The following SACM1L variants were observed in gnomAD, a reference collection of about 807,000 sequenced individuals.
The protein encoded by SACM1L is phosphatidylinositol-3-phosphatase SAC1.
Under a neutral mutation model 89.5 loss-of-function variants are expected in SACM1L, and 32 were observed. The observed-to-expected ratio is 0.36, with a 90% CI of 0.27 to 0.48. The LOEUF (loss-of-function observed/expected upper bound fraction) is 0.48. Ranked by LOEUF, SACM1L falls within the 20% of genes least tolerant of loss-of-function variation. The probability of loss-of-function intolerance (pLI) is 0.99; values close to 1 mark genes in which losing one functional copy is unlikely to be tolerated. For missense variants in SACM1L, 543 were observed against 708.5 expected (o/e 0.77, Z 2.65); for synonymous variants, 213 against 232.8 (o/e 0.92, Z 0.77).
rs7626709 is a variant in SACM1L, at chr3:45,699,727, G to T, written c.33-3711G>T. On this transcript the variant is annotated intron_variant, in intron 1 of 19. Transcript: ENST00000389061. ...AGTAGAGACAGGGTTTCACTGTGTC[G>T]GCCAGGCTGGACTCAAACTTCTCAC... Among the ~76,000 whole-genome samples, 761 of 151,976 alleles carry T rather than the reference G, an allele frequency of 5.0e-3. 9 individuals carry two copies. Among genetic ancestry groups the T allele is most frequent in the African/African-American group, 0.017 (705 of 41,460 alleles).
chr3:45,709,569 A>G lies in SACM1L; in HGVS notation c.405A>G (p.Thr135=). The change falls in exon 5 of 20, where the codon ACA becomes ACG. Residue 135 remains threonine, a synonymous_variant. Coordinates refer to ENST00000389061, the MANE Select transcript of SACM1L (RefSeq NM_014016.5). The part of the protein sequence containing the change: ...VLNVDGFYFS[T]TYDLTHTLQR... ...ATGTGGATGGATTTTACTTTTCAAC[A>G]ACATATGATTTGACCCATACTTTGC... 1 of 1,613,914 alleles carries G rather than the reference A, an allele frequency of 6.2e-7. No individual in the cohort carries two copies. The highest frequency in any genetic ancestry group is 8.5e-7 in the Non-Finnish European group (1 of 1,179,862).
chr3:45,719,649 T>C, intron 8 of SACM1L, 48 bp downstream of exon 8: 1 of 1,091,880 alleles, frequency 9.2e-7, no homozygotes, highest in Non-Finnish European at 1.4e-6. Context: ...ATATTTTGTC[T>C]TACGGTGACA....
In SACM1L at chr3:45,731,373, A is replaced by G. The variant is rs768158285; in HGVS notation, c.994A>G (p.Met332Val). The G allele has an allele frequency of 6.2e-7, 1 of 1,609,882 alleles. No homozygotes were observed. Among genetic ancestry groups the G allele is most frequent in the Non-Finnish European group, 8.5e-7 (1 of 1,176,522 alleles). Reference sequence around the variant, plus strand: ...AATGGTGTCTTCCTTGGGAAGTGGAATGATGAGGTACCTCACTAGAAATCT... The same window carrying G: ...AATGGTGTCTTCCTTGGGAAGTGGAGTGATGAGGTACCTCACTAGAAATCT... The part of the protein sequence containing the change: ...ATMVSSLGSG[M>V]MRYIAFDFHK... Residue 332 changes from methionine to valine, a missense_variant, in exon 12 of 20, where the codon ATG becomes GTG. Physicochemically the swap from Met to Val is conservative, Grantham distance 21 (BLOSUM62 1). Coordinates refer to ENST00000389061, the MANE Select transcript of SACM1L (RefSeq NM_014016.5).
intron 19 of SACM1L, among the ~76,000 whole-genome samples, chr3:45,741,428 C>G (rs1699312442): frequency 6.6e-6 from 1 of 152,122 alleles, no homozygotes; most frequent in Non-Finnish European, 1.5e-5. Context: ...GATTTGCATA[C>G]TTGTTTGTTT....
At chr3:45,719,373 A>T in intron 7 of SACM1L, 127 bp from the exon 8 acceptor site, 1 of 528,370 alleles carries the variant, frequency 1.9e-6, no homozygotes, top group South Asian at 2.7e-5. Flanking sequence ...GTGAATATTC[A>T]TGAAGATTTG....
Position 45,735,368 on chromosome 3 carries a change from C to T in SACM1L, c.1234C>T (p.Leu412Phe). Residue 412 changes from leucine (L) to phenylalanine (F), a missense_variant, in exon 14 of 20, where the codon CTT becomes TTT. Physicochemically the swap from Leu to Phe is conservative, Grantham distance 22. This residue lies in a region of SACM1L where 370 missense variants were observed against 527.6 expected (regional missense o/e 0.70). Transcript: ENST00000389061. The part of the protein sequence containing the change: ...LLARRSLQAQ[L>F]QRLGVLHVGQ... ...AGCTCGTCGTTCACTTCAGGCCCAA[C>T]TTCAGGTGCGAATGCTTTTTTTTTT... is the stretch of plus-strand genomic sequence containing the variant. 6.6e-7 allele frequency: 1 copy of T among 1,510,792 alleles called. No homozygotes were observed. Among genetic ancestry groups the T allele is most frequent in the Non-Finnish European group, 8.8e-7 (1 of 1,130,304 alleles). 93.6% of individuals were successfully genotyped at this position (1,510,792 alleles called of 1,614,324 possible). A position where few individuals can be genotyped will look rare whatever the true frequency, so the allele number is the denominator to read the frequency against.
chr3:45,734,313 C>T (rs1308342125), intron 13 of SACM1L, among the ~76,000 whole-genome samples: 9 of 150,066 alleles, frequency 6.0e-5, no homozygotes, highest in African/African-American at 1.7e-4. Context: ...CTCAGGAGGC[C>T]GAGGCAGGAG....
chr3:45,697,269 CTTTTTTTTTTT>C (rs869095037), intron 1 of SACM1L, among the ~76,000 whole-genome samples: 2 of 92,120 alleles, frequency 2.2e-5, no homozygotes, highest in South Asian at 3.6e-4. Flanking sequence ...TTTTCTTTTC[CTTTTTTTTTTT>C]TTTTTTTTTT....
intron 19 of SACM1L, chr3:45,740,012 T>G: frequency 4.3e-6 from 1 of 230,500 alleles, no homozygotes. Flanking sequence ...CAAAGAGGGT[T>G]TTAAGGACTT....
chr3:45,702,622 C>T (rs1454216744), intron 1 of SACM1L, among the ~76,000 whole-genome samples: 1 of 152,178 alleles, frequency 6.6e-6, no homozygotes, highest in African/African-American at 2.4e-5. Flanking sequence ...CAAATGAAAA[C>T]GCAGTTTTAC....
chr3:45,743,553 C>T lies in SACM1L; in HGVS notation c.1648C>T (p.Leu550=). The T allele has an allele frequency of 6.2e-7, 1 of 1,611,902 alleles. No homozygotes were observed. The highest frequency in any genetic ancestry group is 8.5e-7 in the Non-Finnish European group (1 of 1,179,422). ...AACAGGTGACACTTGGACAGAAACA[C>T]TGGCCTATGTGCTCTTCTGGGGAGT... is the stretch of plus-strand genomic sequence containing the variant. ...LMAGDTWTET[L]AYVLFWGVAS... The change falls in exon 20 of 20, where the codon CTG becomes TTG. Residue 550 remains leucine, a synonymous_variant. Transcript: ENST00000389061.
At chr3:45,733,853 G>A (rs1392348210) in intron 13 of SACM1L, among the ~76,000 whole-genome samples, 1 of 152,172 alleles carries the variant, frequency 6.6e-6, no homozygotes, top group Non-Finnish European at 1.5e-5. Context: ...TTAGTAAGTT[G>A]CGTATGATGC....
At chr3:45,691,702 A>T (rs1371466078) in intron 1 of SACM1L, among the ~76,000 whole-genome samples, 4 of 151,852 alleles carry the variant, frequency 2.6e-5, no homozygotes, top group African/African-American at 9.7e-5. Flanking sequence ...GCAGCCTCTA[A>T]CTCCTAGTCT....
chr3:45,706,425 TG>T (rs1267023961), intron 3 of SACM1L, among the ~76,000 whole-genome samples: 1 of 152,134 alleles, frequency 6.6e-6, no homozygotes, highest in Non-Finnish European at 1.5e-5. Flanking sequence ...TGCTTTAAGC[TG>T]CCTGCTGGGA....
intron 6 of SACM1L, 73 bp downstream of exon 6, chr3:45,713,269 C>A: frequency 8.9e-7 from 1 of 1,121,128 alleles, no homozygotes; most frequent in Non-Finnish European, 1.3e-6. Flanking sequence ...TATAAAGTGA[C>A]TTCCTAATCA....
In SACM1L at chr3:45,724,298, G is replaced by GGTGTGTGTGTGT. The variant is rs61075879; in HGVS notation, c.921+780_921+791dup. 9.9e-3 allele frequency among the ~76,000 whole-genome samples: 1,390 copies of GGTGTGTGTGTGT among 139,794 alleles called. 12 individuals carry two copies. The highest frequency in any genetic ancestry group is 0.012 in the East Asian group (57 of 4,570). The allele number at this position is 139,794 out of a possible 152,430, so 91.7% of individuals were successfully genotyped here. ...TCCTTGCTGACAATTGTTGTTTTCTGGTGTGTGTGTGTGTGTGTGTGTGTG... is the reference window on the plus strand; with the variant it reads ...TCCTTGCTGACAATTGTTGTTTTCTGGTGTGTGTGTGTGTGTGTGTGTGTGTGTGTGTGTGTG... On this transcript the variant is annotated intron_variant, in intron 11 of 19. Transcript: ENST00000389061.
chr3:45,693,349 C>T (rs901246111), intron 1 of SACM1L, among the ~76,000 whole-genome samples: 4 of 152,170 alleles, frequency 2.6e-5, no homozygotes, highest in Admixed American at 6.5e-5. Context: ...AGAGCAGCTC[C>T]TCAGTGAATC....
At chr3:45,732,465 T>C (rs534083486) in intron 13 of SACM1L, among the ~76,000 whole-genome samples, 1 of 152,192 alleles carries the variant, frequency 6.6e-6, no homozygotes, top group Non-Finnish European at 1.5e-5. Context: ...CACTAGACAT[T>C]CTATCACAAG....
intron 19 of SACM1L, among the ~76,000 whole-genome samples, chr3:45,741,173 A>G (rs1369867119): frequency 2.0e-5 from 3 of 151,968 alleles, no homozygotes; most frequent in Non-Finnish European, 4.4e-5. Flanking sequence ...CGTTGAGCCA[A>G]CCTCTCTCTG....
Sources: gnomAD v4.1 joint callset for allele counts (sites outside exome capture counted in the v4.1 genomes callset) on GRCh38, gnomAD v4.1.1 for gene constraint, gnomAD v4.1.1 regional missense constraint, MANE v1.5 for transcripts, NCBI Gene and HGNC (gene_info 2026-07-23, HGNC 2026-07-21) for gene names.